Variants in THRA observed in about 807,000 individuals in gnomAD.
THRA encodes thyroid hormone receptor alpha.
THRA carries 13 observed loss-of-function variants against 45.0 expected under a neutral mutation model. The ratio of observed to expected loss-of-function variants is 0.29; its 90% CI spans 0.19 to 0.46. The LOEUF is 0.46. Among genes scored for constraint, THRA ranks in the 20% least tolerant of loss-of-function variants. The pLI is 1.00. For synonymous variants in THRA, 195 were observed against 214.0 expected (o/e 0.91, Z 0.78); for missense variants, 278 against 556.1 (o/e 0.50, Z 5.03).
chr17:40,087,187 CAT>C (rs1333985072), intron 7 of THRA, among the ~76,000 whole-genome samples: 2 of 148,394 alleles, frequency 1.3e-5, no homozygotes, highest in African/African-American at 5.0e-5. Flanking sequence ...CACACACAGA[CAT>C]ATACACCCAG....
intron 1 of THRA, among the ~76,000 whole-genome samples, chr17:40,063,680 T>TG (rs909766897): frequency 1.3e-4 from 19 of 151,976 alleles, no homozygotes; most frequent in African/African-American, 3.1e-4. Context: ...ACGCGGTTGT[T>TG]GGGGGGGAAT....
chr17:40,076,772 G>A, intron 2 of THRA, 99 bp from the exon 3 acceptor site: 1 of 1,277,894 alleles, frequency 7.8e-7, no homozygotes, highest in Non-Finnish European at 1.1e-6. Flanking sequence ...GACACAAAAT[G>A]GAAAGAATCA....
chr17:40,085,304 C>A lies in THRA; in HGVS notation c.576+489C>A, dbSNP rs528369657. On this transcript the variant is annotated intron_variant, in intron 6 of 8. Transcript: ENST00000450525. ...TTGAGCCCAGGAGTTTGAGACCAGT[C>A]TGGGTAACATACAGAGATCCCACCT... Among the ~76,000 whole-genome samples the A allele has an allele frequency of 2.0e-5, 3 of 152,078 alleles. No homozygotes were observed. The South Asian group carries it at 6.2e-4, about 32-fold the overall frequency.
In THRA at chr17:40,073,224, G is replaced by C. The variant is rs376551827; in HGVS notation, c.-297-968G>C. 2.6e-5 allele frequency among the ~76,000 whole-genome samples: 4 copies of C among 152,172 alleles called. No individual in the cohort carries two copies. The South Asian group carries it at 8.3e-4, about 31-fold the overall frequency. ...CCCCTCCTACCCGCCACACCTGCCT[G>C]TGTGCACACAGACAGTAAGCCACAG... is the stretch of plus-strand genomic sequence containing the variant. On this transcript the variant is annotated intron_variant, in intron 1 of 8. Transcript: ENST00000450525.
At chr17:40,062,596 C>G (rs1418799831), upstream of THRA, 1 of 152,236 alleles carries the variant, frequency 6.6e-6, no homozygotes, top group Non-Finnish European at 1.5e-5. Flanking sequence ...ACGGTGCACA[C>G]CCGAAAACCC....
rs374197242 is a variant in THRA, at chr17:40,075,216, A to G, written c.53+675A>G. ...AGCCCAGAGGGTCTCTGTCTTTTCT[A>G]TCAGCTCCAAGTGGCACAGAGCTTT... On this transcript the variant is annotated intron_variant, in intron 2 of 8. Coordinates refer to ENST00000450525, the MANE Select transcript of THRA (RefSeq NM_199334.5). Among the ~76,000 whole-genome samples the G allele has an allele frequency of 1.3e-4, 20 of 150,346 alleles. No individual in the cohort carries two copies. The South Asian group carries it at 1.5e-3, about 11-fold the overall frequency.
chr17:40,077,419 A>G, intron 3 of THRA, 89 bp from the exon 4 acceptor site: 1 of 1,264,246 alleles, frequency 7.9e-7, no homozygotes, highest in Non-Finnish European at 1.1e-6. Context: ...GTCAGAAACA[A>G]AAAGTTGAGG....
In THRA at chr17:40,091,264, A is replaced by ACACACACACGCACG. The variant is rs979262816; in HGVS notation, c.*1815_*1816insACGCACGCACACAC. The ACACACACACGCACG allele has an allele frequency of 6.4e-6, 1 of 155,604 alleles. No individual in the cohort carries two copies. The highest frequency in any genetic ancestry group is 2.4e-5 in the African/African-American group (1 of 40,852). 9.6% of individuals were successfully genotyped at this position (155,604 alleles called of 1,614,324 possible). A position where few individuals can be genotyped will look rare whatever the true frequency, so the allele number is the denominator to read the frequency against. On this transcript the variant is annotated 3_prime_UTR_variant, in exon 9 of 9. Coordinates refer to ENST00000450525, the MANE Select transcript of THRA (RefSeq NM_199334.5). ...CACACACACACACACACACACACAC[A>ACACACACACGCACG]CACACACGGACATGCACACACGGAC...
intron 3 of THRA, among the ~76,000 whole-genome samples, chr17:40,077,198 G>A (rs774981222): frequency 6.6e-6 from 1 of 152,164 alleles, no homozygotes; most frequent in South Asian, 2.1e-4. Context: ...CAGGGCCTGA[G>A]CTGAAGGACT....
intron 1 of THRA, chr17:40,069,063 A>ACG (rs898070510): frequency 6.7e-6 from 1 of 148,772 alleles, no homozygotes; most frequent in Non-Finnish European, 1.5e-5. Flanking sequence ...AGCTGCATTC[A>ACG]CGCGCGCGCT....
At chr17:40,093,711 A>C, downstream of THRA, 1 of 639,992 alleles carries the variant, frequency 1.6e-6, no homozygotes, top group Non-Finnish European at 2.7e-6. This position sits in a 1 kb window ranked among gnomAD's most constrained non-coding sequence, Gnocchi z 5.9. Flanking sequence ...TCCTTGGTTC[A>C]TGCTTCTACT....
intron 4 of THRA, among the ~76,000 whole-genome samples, chr17:40,080,023 T>G (rs1318610911): frequency 2.0e-5 from 3 of 151,708 alleles, no homozygotes; most frequent in African/African-American, 7.3e-5. Flanking sequence ...GAGTGGAGAT[T>G]AAGTCAGTGT....
chr17:40,088,540 G>A, intron 8 of THRA, 40 bp downstream of exon 8: 2 of 1,574,304 alleles, frequency 1.3e-6, no homozygotes, highest in Non-Finnish European at 1.7e-6. Context: ...AAGCTTCCAG[G>A]GGTCCCAGAG....
chr17:40,087,483 GCA>G (rs954907770), intron 7 of THRA, among the ~76,000 whole-genome samples: 3 of 150,480 alleles, frequency 2.0e-5, no homozygotes, highest in Non-Finnish European at 3.0e-5. Context: ...AAACACACAG[GCA>G]CACACACACA....
chr17:40,080,495 C>T (rs572191386), intron 4 of THRA, among the ~76,000 whole-genome samples: 3 of 151,948 alleles, frequency 2.0e-5, no homozygotes, highest in Non-Finnish European at 4.4e-5. Context: ...AAACCAAGAC[C>T]ATGAGGGATT....
chr17:40,064,784 T>C (rs1316941796), intron 1 of THRA, among the ~76,000 whole-genome samples: 1 of 152,284 alleles, frequency 6.6e-6, no homozygotes, highest in East Asian at 1.9e-4. Context: ...TACTTGTTAG[T>C]TGATTGACTG....
intron 4 of THRA, among the ~76,000 whole-genome samples, chr17:40,082,279 A>G (rs1039028551): frequency 1.3e-5 from 2 of 149,624 alleles, no homozygotes; most frequent in African/African-American, 5.0e-5. Flanking sequence ...CAATGGCACA[A>G]TCTTGGCTCA....
chr17:40,073,432 T>G (rs975773724), intron 1 of THRA, among the ~76,000 whole-genome samples: 1 of 152,206 alleles, frequency 6.6e-6, no homozygotes, highest in African/African-American at 2.4e-5. Context: ...GAGACTCAGT[T>G]TCCTCATCTG....
At chr17:40,093,318 C>G, downstream of THRA, 1 of 1,613,336 alleles carries the variant, frequency 6.2e-7, no homozygotes, top group South Asian at 1.1e-5. The surrounding 1 kb of genome is among the most constrained non-coding windows in gnomAD (Gnocchi z 5.9). Flanking sequence ...GCGGACTCCC[C>G]GAGCTCCTCT....
Sources: allele counts gnomAD v4.1 joint callset (sites outside exome capture counted in the v4.1 genomes callset), GRCh38; gene constraint gnomAD v4.1.1; non-coding constraint Gnocchi (gnomAD v3.1); transcripts MANE v1.5; gene names NCBI Gene and HGNC (gene_info 2026-07-23, HGNC 2026-07-21).